LIMCH1: variants seen among roughly 807,000 people sequenced by gnomAD.
The protein encoded by LIMCH1 is LIM and calponin homology domains 1, also known as LIM and calponin homology domains-containing protein 1.
Under a neutral mutation model 176.5 loss-of-function variants are expected in LIMCH1, and 113 were observed. That is an observed-to-expected ratio of 0.64 (90% CI 0.55 to 0.75). The LOEUF is 0.75. Among genes scored for constraint, LIMCH1 ranks in the 30% least tolerant of loss-of-function variants. The pLI, the probability that LIMCH1 is intolerant of heterozygous loss-of-function variation, is 0.00. For synonymous variants in LIMCH1, 619 were observed against 645.9 expected, an observed-to-expected ratio of 0.96 and a Z score of 0.63; for missense variants, 1,674 against 1,814.9, an observed-to-expected ratio of 0.92 and a Z score of 1.41.
intron 4 of LIMCH1, among the ~76,000 whole-genome samples, chr4:41,607,198 T>C (rs2090850617): frequency 6.6e-6 from 1 of 152,214 alleles, no homozygotes; most frequent in Non-Finnish European, 1.5e-5. Context: ...ACTAGAAACA[T>C]TCAGTTCCTT....
chr4:41,382,499 A>C (rs1204921248), intron 1 of LIMCH1, among the ~76,000 whole-genome samples: 4 of 152,118 alleles, frequency 2.6e-5, no homozygotes, highest in Non-Finnish European at 5.9e-5. Flanking sequence ...AATTGGAAGC[A>C]GGAGGGAGGG....
chr4:41,375,470 T>C (rs1449550418), intron 1 of LIMCH1, among the ~76,000 whole-genome samples: 2 of 152,230 alleles, frequency 1.3e-5, no homozygotes, highest in Non-Finnish European at 2.9e-5. Context: ...TCCCAATATA[T>C]ATAAACCTTT....
At chr4:41,464,587 G>T (rs916793412) in intron 1 of LIMCH1, among the ~76,000 whole-genome samples, 1 of 151,800 alleles carries the variant, frequency 6.6e-6, no homozygotes. Context: ...TGTTGGTTGG[G>T]CTGGTCTCAA....
At chr4:41,489,075 T>C (rs1443293561) in intron 1 of LIMCH1, among the ~76,000 whole-genome samples, 1 of 152,194 alleles carries the variant, frequency 6.6e-6, no homozygotes, top group African/African-American at 2.4e-5. Context: ...AATTTATTTA[T>C]AATTTTTCTT....
chr4:41,620,283 T>C, intron 6 of LIMCH1, 141 bp from the exon 7 acceptor site: 1 of 811,588 alleles, frequency 1.2e-6, no homozygotes, highest in Non-Finnish European at 1.9e-6. Context: ...TGAATTTTCT[T>C]CACATTATCA....
At position 41,632,846 on chromosome 4, in the gene LIMCH1, T is replaced by C; in HGVS notation, c.1699T>C (p.Cys567Arg). ...QEEWVCSLGE[C>R]PRGTEEVTSK... ...AGAGTGGGTCTGCAGTTTGGGCGAGTGCCCGAGGGGGACAGAGGAAGGTGA... is the reference window on the plus strand; with the variant it reads ...AGAGTGGGTCTGCAGTTTGGGCGAGCGCCCGAGGGGGACAGAGGAAGGTGA... The change falls in exon 11 of 32, where the codon TGC becomes CGC. Residue 567 changes from cysteine to arginine, a missense_variant. Coordinates refer to ENST00000503057, the MANE Select transcript of LIMCH1 (RefSeq NM_001330672.2). The C allele has an allele frequency of 6.5e-7, 1 of 1,535,928 alleles. No homozygotes were observed. The highest frequency in any genetic ancestry group is 8.7e-7 in the Non-Finnish European group (1 of 1,146,820).
intron 4 of LIMCH1, chr4:41,613,184 T>A: frequency 8.2e-7 from 1 of 1,215,172 alleles, no homozygotes; most frequent in Non-Finnish European, 1.2e-6. Flanking sequence ...TTCTAATTCT[T>A]TCTCTACTCT....
intron 1 of LIMCH1, among the ~76,000 whole-genome samples, chr4:41,405,453 A>C (rs2058864608): frequency 6.6e-6 from 1 of 152,048 alleles, no homozygotes; most frequent in Non-Finnish European, 1.5e-5. Flanking sequence ...GTGCAACTAA[A>C]ATTTCTTTTC....
chr4:41,608,443 A>G (rs576767788), intron 4 of LIMCH1, among the ~76,000 whole-genome samples: 63 of 152,346 alleles, frequency 4.1e-4, no homozygotes, highest in African/African-American at 1.3e-3. Flanking sequence ...GACAACTGTA[A>G]TCTCTTCTGC....
At chr4:41,519,062 T>C (rs28676951) in intron 2 of LIMCH1, among the ~76,000 whole-genome samples, 1 of 152,180 alleles carries the variant, frequency 6.6e-6, no homozygotes, top group African/African-American at 2.4e-5. Flanking sequence ...AGCATTCCAT[T>C]TGAAAAATTG....
intron 22 of LIMCH1, among the ~76,000 whole-genome samples, chr4:41,673,783 C>T (rs1341472464): frequency 2.0e-5 from 3 of 152,124 alleles, no homozygotes; most frequent in Non-Finnish European, 4.4e-5. Flanking sequence ...CTGAAGAATC[C>T]CTAGGCCAGA....
At chr4:41,599,168 A>G (rs1171400122) in intron 2 of LIMCH1, 142 bp downstream of exon 2, 1 of 579,126 alleles carries the variant, frequency 1.7e-6, no homozygotes, top group East Asian at 2.9e-5. Context: ...TCAACTTTCA[A>G]AACAACTCAC....
chr4:41,486,822 C>T (rs1035583737), intron 1 of LIMCH1, among the ~76,000 whole-genome samples: 1 of 151,708 alleles, frequency 6.6e-6, no homozygotes, highest in African/African-American at 2.4e-5. Context: ...TGCTCTGTTG[C>T]CCAGGCTGGA....
chr4:41,629,213 A>AACT (rs1168759735), intron 8 of LIMCH1, among the ~76,000 whole-genome samples: 4 of 152,230 alleles, frequency 2.6e-5, no homozygotes, highest in African/African-American at 9.6e-5. Context: ...TACCATTAGT[A>AACT]ATCTTTCAGC....
At chr4:41,510,228 C>A (rs905459907) in intron 2 of LIMCH1, among the ~76,000 whole-genome samples, 5 of 152,172 alleles carry the variant, frequency 3.3e-5, no homozygotes, top group Non-Finnish European at 7.3e-5. Context: ...GCTAATCTTT[C>A]TCCTCCTGAA....
intron 1 of LIMCH1, among the ~76,000 whole-genome samples, chr4:41,478,696 C>G (rs2068106334): frequency 6.6e-6 from 1 of 152,192 alleles, no homozygotes; most frequent in African/African-American, 2.4e-5. Context: ...AGTTCTTTGC[C>G]TGAACTCAGG....
rs200507194 is a variant in LIMCH1 at position 41,646,831 on chromosome 4, A to G, written c.2758A>G (p.Met920Val). ...AACTGTCACTCCCAAAGCAGTGCCT[A>G]TGCTGACACCCAAGCCTTACTCCCA... The part of the protein sequence containing the change: ...SKTVTPKAVP[M>V]LTPKPYSQPK... Residue 920 changes from methionine (M) to valine (V), a missense_variant, in exon 17 of 32, where the codon ATG becomes GTG. Met to Val is a conservative substitution (Grantham distance 21, BLOSUM62 1). This residue lies in a region of LIMCH1 where 1,015 missense variants were observed against 1,102.5 expected (regional missense o/e 0.92). Coordinates refer to ENST00000503057, the MANE Select transcript of LIMCH1 (RefSeq NM_001330672.2). The G allele has an allele frequency of 2.5e-6, 4 of 1,614,208 alleles. No individual in the cohort carries two copies. The African/African-American group carries it at 4.0e-5, about 16-fold the overall frequency.
intron 30 of LIMCH1, among the ~76,000 whole-genome samples, chr4:41,690,516 C>T (rs773178752): frequency 2.0e-5 from 3 of 152,138 alleles, no homozygotes; most frequent in Non-Finnish European, 4.4e-5. Context: ...TTTTTGAAGG[C>T]GAACCCTCTG....
intron 1 of LIMCH1, among the ~76,000 whole-genome samples, chr4:41,543,078 C>A (rs192486591): frequency 6.6e-6 from 1 of 152,090 alleles, no homozygotes; most frequent in Non-Finnish European, 1.5e-5. Context: ...CACAAACATG[C>A]GGTTTGTGGG....
Sources: allele counts gnomAD v4.1 joint callset (sites outside exome capture counted in the v4.1 genomes callset), GRCh38; gene constraint gnomAD v4.1.1; regional missense constraint gnomAD v4.1.1; transcripts MANE v1.5; gene names NCBI Gene and HGNC (gene_info 2026-07-23, HGNC 2026-07-21).